Variants in TTLL13 observed in about 807,000 individuals in gnomAD.
TTLL13 encodes the protein tubulin tyrosine ligase like 13.
the TTLL13 span, among the ~76,000 whole-genome samples, chr15:90,256,978 G>T: frequency 6.6e-6 from 1 of 152,144 alleles, no homozygotes; most frequent in Non-Finnish European, 1.5e-5. Context: ...GAGCCACCAT[G>T]CCTGGCCTCT....
At chr15:90,256,576 T>TC in the TTLL13 span, among the ~76,000 whole-genome samples, 106 of 30,822 alleles carry the variant, frequency 3.4e-3, no homozygotes, top group African/African-American at 0.012. Flanking sequence ...TTTCTTTCTT[T>TC]CTTTCTTTCT....
the TTLL13 span, among the ~76,000 whole-genome samples, chr15:90,251,114 C>CTTTTTTTTTTTTTTTTTTTT: frequency 9.6e-6 from 1 of 104,672 alleles, no homozygotes; most frequent in East Asian, 3.5e-4. Flanking sequence ...CCTGGTCTGT[C>CTTTTTTTTTTTTTTTTTTTT]TTTTTTTTTT....
chr15:90,256,388 A>C, the TTLL13 span: 1 of 1,528,888 alleles, frequency 6.5e-7, no homozygotes, highest in South Asian at 1.1e-5. Flanking sequence ...AGCTGGTCTT[A>C]GGCTTCTACC....
the TTLL13 span, among the ~76,000 whole-genome samples, chr15:90,259,594 A>G: frequency 6.6e-6 from 1 of 152,228 alleles, no homozygotes; most frequent in African/African-American, 2.4e-5. Flanking sequence ...AGACAGAGGC[A>G]TAACTTTCAC....
At chr15:90,259,610 C>G in the TTLL13 span, among the ~76,000 whole-genome samples, 10 of 152,320 alleles carry the variant, frequency 6.6e-5, no homozygotes, top group African/African-American at 2.4e-4. Flanking sequence ...TTCACACTGT[C>G]TGCACCCTGG....
chr15:90,253,386 G>C, the TTLL13 span: 1 of 1,591,424 alleles, frequency 6.3e-7, no homozygotes, highest in South Asian at 1.1e-5. Context: ...CTCCTGACCT[G>C]AGAGCCGACA....
the TTLL13 span, chr15:90,263,657 G>T: frequency 1.7e-6 from 1 of 605,822 alleles, no homozygotes; most frequent in South Asian, 2.0e-5. Context: ...GCCTAGAAGA[G>T]ATTTTTTTCA....
chr15:90,256,594 TTTCTTTCTTTC>T, the TTLL13 span, among the ~76,000 whole-genome samples: 1 of 33,024 alleles, frequency 3.0e-5, no homozygotes, highest in Non-Finnish European at 5.9e-5. Flanking sequence ...TCTTTCTTTC[TTTCTTTCTTTC>T]TTTCCTTCCT....
At chr15:90,265,080 C>A in the TTLL13 span, 3 of 1,341,930 alleles carry the variant, frequency 2.2e-6, no homozygotes, top group Non-Finnish European at 3.0e-6. Context: ...AAAAGCCCTG[C>A]CCAGGAACCC....
At chr15:90,265,447 C>T in the TTLL13 span, 1 of 1,333,828 alleles carries the variant, frequency 7.5e-7, no homozygotes, top group Non-Finnish European at 9.6e-7. Context: ...GAAACGGAAT[C>T]CGTACTTTAA....
chr15:90,256,597 CTTT>C, the TTLL13 span, among the ~76,000 whole-genome samples: 67 of 35,260 alleles, frequency 1.9e-3, 1 homozygote, highest in Middle Eastern at 0.024. Context: ...TTCTTTCTTT[CTTT>C]CTTTCTTTCC....
chr15:90,253,030 G>A, the TTLL13 span, among the ~76,000 whole-genome samples: 1 of 152,044 alleles, frequency 6.6e-6, no homozygotes, highest in Admixed American at 6.6e-5. Context: ...CAAAAAACCA[G>A]GTTCTAGTTT....
At chr15:90,256,545 T>TTTTCTTTCTTTCTTTCTTTCCTTTC in the TTLL13 span, among the ~76,000 whole-genome samples, 1 of 105,392 alleles carries the variant, frequency 9.5e-6, no homozygotes, top group African/African-American at 3.2e-5. Context: ...TCTCCTTCCT[T>TTTTCTTTCTTTCTTTCTTTCCTTTC]TTTCTTTCTT....
chr15:90,262,216 G>A, the TTLL13 span: 1 of 1,508,890 alleles, frequency 6.6e-7, no homozygotes, highest in Non-Finnish European at 8.8e-7. Flanking sequence ...ATTCTCCTCT[G>A]CACACCTAGG....
At chr15:90,262,879 A>C in the TTLL13 span, 4 of 1,386,862 alleles carry the variant, frequency 2.9e-6, no homozygotes, top group Non-Finnish European at 3.8e-6. Context: ...ATGAGGGTAG[A>C]GTGGGCAGGA....
chr15:90,265,197 G>A, the TTLL13 span: 11 of 1,348,002 alleles, frequency 8.2e-6, no homozygotes, highest in Admixed American at 3.1e-4. Flanking sequence ...GGCCAGCCAT[G>A]TACTCATTTC....
chr15:90,249,658 T>C, the TTLL13 span: 2 of 152,174 alleles, frequency 1.3e-5, no homozygotes, highest in African/African-American at 4.8e-5. Context: ...GGACAGCCAG[T>C]CCTGTGAAAC....
chr15:90,253,856 T>C, the TTLL13 span, among the ~76,000 whole-genome samples: 1 of 152,196 alleles, frequency 6.6e-6, no homozygotes, highest in Non-Finnish European at 1.5e-5. Flanking sequence ...TATCCTCTAA[T>C]TGGGCGTTTG....
chr15:90,257,462 C>T, the TTLL13 span, among the ~76,000 whole-genome samples: 1 of 151,436 alleles, frequency 6.6e-6, no homozygotes, highest in Admixed American at 6.6e-5. Flanking sequence ...GGTCAGCACC[C>T]GGAGGAGCCC....
Sources: allele counts gnomAD v4.1 joint callset (sites outside exome capture counted in the v4.1 genomes callset), GRCh38; gene constraint gnomAD v4.1.1; transcripts MANE v1.5; gene names NCBI Gene and HGNC (gene_info 2026-07-23, HGNC 2026-07-21).